EPAS1: variants seen among roughly 807,000 people sequenced by gnomAD.
EPAS1 encodes the protein endothelial PAS domain-containing protein 1.
A neutral mutation model predicts 87.9 loss-of-function variants in EPAS1; 23 were observed. That is an observed-to-expected ratio of 0.26 (90% CI 0.19 to 0.37). EPAS1 has a LOEUF of 0.37. Ranked by LOEUF, EPAS1 falls within the 10% of genes least tolerant of loss-of-function variation. The pLI is 1.00. For synonymous variants in EPAS1, 508 were observed against 444.3 expected (o/e 1.14, Z -1.80); for missense variants, 1,138 against 1,120.7 (o/e 1.02, Z -0.22).
rs1461097492 is a variant in EPAS1, at chr2:46,360,357, C to A, written c.455-281C>A. ...TCGTTGTGTCGCTGCTCTGAAGGCA[C>A]CACTGACCATGTTCCAGATGCAATG... is the stretch of plus-strand genomic sequence containing the variant. On this transcript the variant is annotated intron_variant, in intron 4 of 15. Transcript: ENST00000263734. This position sits in a 1 kb window ranked among gnomAD's most constrained non-coding sequence, Gnocchi z 4.5. Among the ~76,000 whole-genome samples, 1 of 152,182 alleles carries A rather than the reference C, an allele frequency of 6.6e-6. No individual in the cohort carries two copies. Among genetic ancestry groups the A allele is most frequent in the Non-Finnish European group, 1.5e-5 (1 of 68,040 alleles).
Position 46,321,061 on chromosome 2 carries a change from C to T in EPAS1, c.26+23124C>T, listed in dbSNP as rs186578621. Among the ~76,000 whole-genome samples the T allele has an allele frequency of 7.2e-5, 11 of 152,244 alleles. No homozygotes were observed. In the East Asian group the frequency reaches 1.2e-3, roughly 16 times the overall value. Reference sequence around the variant, plus strand: ...TTTATTCCCCACATGCTCCAATCCCCGATAATCACTATTCTACTTTCTCTA... The same window carrying T: ...TTTATTCCCCACATGCTCCAATCCCTGATAATCACTATTCTACTTTCTCTA... On this transcript the variant is annotated intron_variant, in intron 1 of 15. Coordinates refer to ENST00000263734, the MANE Select transcript of EPAS1 (RefSeq NM_001430.5).
At chr2:46,367,532 C>T (rs1031420269) in intron 6 of EPAS1, among the ~76,000 whole-genome samples, 1 of 152,382 alleles carries the variant, frequency 6.6e-6, no homozygotes, top group East Asian at 1.9e-4. Flanking sequence ...TTGTTCCCCC[C>T]AGTCTCCACC....
At chr2:46,309,846 G>C (rs1683177233) in intron 1 of EPAS1, among the ~76,000 whole-genome samples, 1 of 152,138 alleles carries the variant, frequency 6.6e-6, no homozygotes, top group Non-Finnish European at 1.5e-5. Flanking sequence ...GGTTGCCTTG[G>C]GGCCATGGGA....
chr2:46,377,913 G>A lies in EPAS1; in HGVS notation c.1269G>A (p.Glu423=), dbSNP rs755353591. ...SLDFGNQNFE[E]SSAYGKAILP... is the part of the protein sequence containing the mutation. The stretch of plus-strand genomic sequence containing the variant: ...CCACAGGGAATCAGAACTTCGAGGA[G>A]TCCTCAGCCTATGGCAAGGCCATCC... Residue 423 remains glutamate, a synonymous_variant, in exon 10 of 16, where the codon GAG becomes GAA. Transcript: ENST00000263734. 4 of 1,553,096 alleles carry A rather than the reference G, an allele frequency of 2.6e-6. No individual in the cohort carries two copies. The highest frequency in any genetic ancestry group is 3.5e-6 in the Non-Finnish European group (4 of 1,147,792).
At chr2:46,352,227 C>G (rs1167214245) in intron 2 of EPAS1, among the ~76,000 whole-genome samples, 1 of 152,180 alleles carries the variant, frequency 6.6e-6, no homozygotes, top group Non-Finnish European at 1.5e-5. Context: ...CTACTCTGGG[C>G]TCCTCACTTT....
chr2:46,326,558 T>C (rs1466711932), intron 1 of EPAS1, among the ~76,000 whole-genome samples: 6 of 151,950 alleles, frequency 3.9e-5, no homozygotes, highest in African/African-American at 1.2e-4. Flanking sequence ...GAAAAACAAG[T>C]ATTTAAAGTT....
chr2:46,348,214 G>A (rs1037583766), intron 2 of EPAS1, among the ~76,000 whole-genome samples: 6 of 152,170 alleles, frequency 3.9e-5, no homozygotes, highest in South Asian at 2.1e-4. Context: ...CTAAAGAGGC[G>A]AAATGTGCAG....
intron 1 of EPAS1, among the ~76,000 whole-genome samples, chr2:46,325,627 T>C (rs1025407701): frequency 6.6e-6 from 1 of 152,164 alleles, no homozygotes; most frequent in Admixed American, 6.5e-5. Context: ...TTTGTGCTGG[T>C]GATGTCAGGC....
Position 46,374,628 on chromosome 2 carries a change from G to C in EPAS1, c.887-1062G>C, listed in dbSNP as rs541544520. The stretch of plus-strand genomic sequence containing the variant: ...AAATCCCAAGCTAGCAAGATTTCCC[G>C]ATCCTCCCTCCATGCCCTTTCCTAA... On this transcript the variant is annotated intron_variant, in intron 7 of 15. Transcript: ENST00000263734. Among the ~76,000 whole-genome samples, 149 of 152,274 alleles carry C rather than the reference G, an allele frequency of 9.8e-4. 1 individual carries two copies. The South Asian group carries it at 0.017, about 17-fold the overall frequency.
At position 46,382,549 on chromosome 2, in the gene EPAS1, C is replaced by T. The variant is rs749238196; in HGVS notation, c.2412C>T (p.Tyr804=). ...NSKSRFPPQC[Y]ATQYQDYSLS... ...AGAGCAGGTTCCCCCCACAGTGCTACGCCACCCAGTACCAGGACTACAGCC... is the reference window on the plus strand; with the variant it reads ...AGAGCAGGTTCCCCCCACAGTGCTATGCCACCCAGTACCAGGACTACAGCC... The change falls in exon 15 of 16, where the codon TAC becomes TAT. Residue 804 remains tyrosine, a synonymous_variant. Coordinates refer to ENST00000263734, the MANE Select transcript of EPAS1 (RefSeq NM_001430.5). 11 of 1,614,036 alleles carry T rather than the reference C, an allele frequency of 6.8e-6. No individual in the cohort carries two copies. Among genetic ancestry groups the T allele is most frequent in the Admixed American group, 1.7e-5 (1 of 60,014 alleles).
chr2:46,367,821 C>G (rs1398594675), intron 6 of EPAS1, among the ~76,000 whole-genome samples: 1 of 152,228 alleles, frequency 6.6e-6, no homozygotes, highest in South Asian at 2.1e-4. Context: ...AGAGAACTTG[C>G]CTCTTCTCTG....
chr2:46,298,158 T>C (rs1682924568), intron 1 of EPAS1, among the ~76,000 whole-genome samples: 1 of 151,994 alleles, frequency 6.6e-6, no homozygotes, highest in African/African-American at 2.4e-5. Context: ...AGTCGGGGAT[T>C]TGCGCGCACG....
In EPAS1 at chr2:46,332,152, TGCTTGTCCCAG is replaced by T. The variant is rs1207417148; in HGVS notation, c.27-14719_27-14709del. Among the ~76,000 whole-genome samples the T allele has an allele frequency of 2.6e-5, 4 of 152,122 alleles. No individual in the cohort carries two copies. The East Asian group carries it at 5.8e-4, about 22-fold the overall frequency. ...GGGGAAGAGGCTGTGGGGTGTGCTCTGCTTGTCCCAGGAAAAAGAGGGTTAAGTGCCAAGTT... is the reference window on the plus strand; with the variant it reads ...GGGGAAGAGGCTGTGGGGTGTGCTCTGAAAAAGAGGGTTAAGTGCCAAGTT... On this transcript the variant is annotated intron_variant, in intron 1 of 15. Coordinates refer to ENST00000263734, the MANE Select transcript of EPAS1 (RefSeq NM_001430.5).
At chr2:46,313,309 G>A (rs142599138) in intron 1 of EPAS1, among the ~76,000 whole-genome samples, 142 of 152,110 alleles carry the variant, frequency 9.3e-4, no homozygotes, top group African/African-American at 3.2e-3. Flanking sequence ...CCATGAGGCT[G>A]GCCAGTTAAC....
Position 46,347,227 on chromosome 2 carries a change from C to A in EPAS1, c.217+164C>A. ...TGATTTATTCCTTCATGTTAAACAT[C>A]TCTCTTCCAGCAGTGACCTTTACCG... On this transcript the variant is annotated intron_variant, in intron 2 of 15. Transcript: ENST00000263734. This position sits in a 1 kb window ranked among gnomAD's most constrained non-coding sequence, Gnocchi z 4.2. 1 of 775,476 alleles carries A rather than the reference C, an allele frequency of 1.3e-6. No homozygotes were observed. The highest frequency in any genetic ancestry group is 1.6e-5 in the South Asian group (1 of 63,678). 48.0% of individuals were successfully genotyped at this position (775,476 alleles called of 1,614,324 possible). A position where few individuals can be genotyped will look rare whatever the true frequency, so the allele number is the denominator to read the frequency against.
intron 1 of EPAS1, among the ~76,000 whole-genome samples, chr2:46,325,363 A>G (rs1356899977): frequency 6.6e-6 from 1 of 152,220 alleles, no homozygotes; most frequent in Non-Finnish European, 1.5e-5. Context: ...GCATAAAGAA[A>G]AATTCTGCCG....
chr2:46,350,201 T>C (rs1198857224), intron 2 of EPAS1, among the ~76,000 whole-genome samples: 1 of 152,232 alleles, frequency 6.6e-6, no homozygotes, highest in Non-Finnish European at 1.5e-5. Flanking sequence ...TCTAGCAATT[T>C]CTATCAAAAT....
chr2:46,375,591 C>G lies in EPAS1; in HGVS notation c.887-99C>G, dbSNP rs1007557822. 4 of 1,454,356 alleles carry G rather than the reference C, an allele frequency of 2.8e-6. No homozygotes were observed. Among genetic ancestry groups the G allele is most frequent in the Non-Finnish European group, 3.8e-6 (4 of 1,059,702 alleles). 90.1% of individuals were successfully genotyped at this position (1,454,356 alleles called of 1,614,324 possible). A position where few individuals can be genotyped will look rare whatever the true frequency, so the allele number is the denominator to read the frequency against. On this transcript the variant is annotated intron_variant, in intron 7 of 15. Coordinates refer to ENST00000263734, the MANE Select transcript of EPAS1 (RefSeq NM_001430.5). The surrounding 1 kb of genome is among the most constrained non-coding windows in gnomAD (Gnocchi z 4.1). ...GTCGTGGCGCCCTGTTCTGTCTGTT[C>G]CCCTGCAGATTAGACTGCCCTCCCA...
intron 6 of EPAS1, among the ~76,000 whole-genome samples, chr2:46,368,911 T>C (rs1376620785): frequency 6.6e-6 from 1 of 152,186 alleles, no homozygotes; most frequent in Non-Finnish European, 1.5e-5. Flanking sequence ...TGGTGGTTCT[T>C]AGGCAGGGCT....
Sources: gnomAD v4.1 joint callset for allele counts (sites outside exome capture counted in the v4.1 genomes callset) on GRCh38, gnomAD v4.1.1 for gene constraint, Gnocchi (gnomAD v3.1) non-coding constraint, MANE v1.5 for transcripts, NCBI Gene and HGNC (gene_info 2026-07-23, HGNC 2026-07-21) for gene names.